PARVG: variants seen among roughly 807,000 people sequenced by gnomAD.
PARVG encodes parvin gamma.
A neutral mutation model predicts 44.4 loss-of-function variants in PARVG; 36 were observed. That is an observed-to-expected ratio of 0.81 (90% CI 0.62 to 1.07). PARVG has a LOEUF of 1.07. Ranked by LOEUF, PARVG falls within the 50% of genes least tolerant of loss-of-function variation. PARVG has a pLI of 0.00. For synonymous variants in PARVG, 170 were observed against 174.1 expected (o/e 0.98, Z 0.19); for missense variants, 407 against 407.4 (o/e 1.00, Z 0.01).
upstream of PARVG, among the ~76,000 whole-genome samples, chr22:44,176,323 T>C (rs2054318557): frequency 6.6e-6 from 1 of 152,238 alleles, no homozygotes; most frequent in South Asian, 2.1e-4. Flanking sequence ...ACAATGTAAA[T>C]GCTATGTAAA....
chr22:44,175,620 C>A (rs904033981), intron 1 of PARVG, among the ~76,000 whole-genome samples: 9 of 152,088 alleles, frequency 5.9e-5, no homozygotes, highest in African/African-American at 2.2e-4. Context: ...CACAGTAGGA[C>A]CTGGAGCATT....
At chr22:44,175,252 T>G (rs2054308280) in intron 1 of PARVG, among the ~76,000 whole-genome samples, 1 of 152,226 alleles carries the variant, frequency 6.6e-6, no homozygotes, top group Non-Finnish European at 1.5e-5. Flanking sequence ...GGGGGCTCTC[T>G]GCTTAGGACA....
chr22:44,204,388 C>G (rs982222447), intron 12 of PARVG, among the ~76,000 whole-genome samples: 3 of 152,222 alleles, frequency 2.0e-5, no homozygotes, highest in African/African-American at 7.2e-5. Context: ...GAGAGGAAGG[C>G]AGACAGGTGT....
chr22:44,204,693 A>T (rs2054755435), intron 12 of PARVG, among the ~76,000 whole-genome samples: 1 of 152,226 alleles, frequency 6.6e-6, no homozygotes, highest in Non-Finnish European at 1.5e-5. Context: ...TGGTGTGGCC[A>T]GGCAGATAGG....
rs576537920 is a variant in PARVG at position 44,182,238 on chromosome 22, G to A, written c.-13+321G>A. On this transcript the variant is annotated intron_variant, in intron 2 of 13. Coordinates refer to ENST00000444313, the MANE Select transcript of PARVG (RefSeq NM_022141.7). The surrounding 1 kb of genome is among the most constrained non-coding windows in gnomAD (Gnocchi z 4.6). ...GCTGCTGATCCCTTTGGGCAGCATC[G>A]AGTCCAGGCCCTCCTTGTAACCATG... 1.7e-4 allele frequency among the ~76,000 whole-genome samples: 26 copies of A among 152,330 alleles called. No individual in the cohort carries two copies. Among genetic ancestry groups the A allele is most frequent in the African/African-American group, 6.0e-4 (25 of 41,574 alleles).
intron 1 of PARVG, among the ~76,000 whole-genome samples, chr22:44,175,027 C>G (rs1209264944): frequency 6.6e-6 from 1 of 152,236 alleles, no homozygotes; most frequent in Non-Finnish European, 1.5e-5. Context: ...GAGGCTGAGG[C>G]AAGAGAATCA....
intron 7 of PARVG, among the ~76,000 whole-genome samples, chr22:44,191,453 AGTG>A (rs1169093085): frequency 1.6e-5 from 2 of 125,334 alleles, no homozygotes; most frequent in Non-Finnish European, 3.1e-5. Context: ...GCTGGAATGC[AGTG>A]GTACAATCTT....
intron 12 of PARVG, among the ~76,000 whole-genome samples, chr22:44,200,523 C>T (rs1185752198): frequency 6.6e-6 from 1 of 152,228 alleles, no homozygotes; most frequent in Non-Finnish European, 1.5e-5. Flanking sequence ...AGGCGTGCAT[C>T]CCAAAGGACA....
intron 5 of PARVG, chr22:44,188,153 G>A (rs1040756950): frequency 4.3e-5 from 21 of 493,450 alleles, no homozygotes; most frequent in African/African-American, 3.1e-4. Context: ...CACTTATTGA[G>A]TGCCTGCTGT....
rs1238953824 is a variant in PARVG at position 44,180,942 on chromosome 22, C to G, written c.-432C>G. ...AAGATTCCAGCTTGAGAGACCAGCT[C>G]GGGTCTGAAGTGTTTCTCTATCTAC... On this transcript the variant is annotated 5_prime_UTR_variant, in exon 1 of 14. Coordinates refer to ENST00000444313, the MANE Select transcript of PARVG (RefSeq NM_022141.7). 2 of 985,280 alleles carry G rather than the reference C, an allele frequency of 2.0e-6. No homozygotes were observed. The highest frequency in any genetic ancestry group is 4.7e-5 in the South Asian group (1 of 21,288). 61.0% of individuals were successfully genotyped at this position (985,280 alleles called of 1,614,324 possible). A position where few individuals can be genotyped will look rare whatever the true frequency, so the allele number is the denominator to read the frequency against.
intron 3 of PARVG, 191 bp from the exon 4 acceptor site, chr22:44,185,617 A>T: frequency 3.9e-6 from 2 of 508,418 alleles, no homozygotes; most frequent in Non-Finnish European, 7.1e-6. Flanking sequence ...TATGTCTCAA[A>T]GTATAAATGC....
At chr22:44,203,226 G>A (rs1209428031) in intron 12 of PARVG, among the ~76,000 whole-genome samples, 2 of 152,216 alleles carry the variant, frequency 1.3e-5, no homozygotes, top group Non-Finnish European at 2.9e-5. Context: ...AGCACTGGTT[G>A]TATGGCTAGC....
rs1409184844 is a variant in PARVG, at chr22:44,192,060, T to C, written c.516T>C (p.Ser172=). 9.9e-6 allele frequency: 16 copies of C among 1,612,908 alleles called. No homozygotes were observed. The highest frequency in any genetic ancestry group is 1.4e-5 in the Non-Finnish European group (16 of 1,179,550). The change falls in exon 8 of 14, where the codon AGT becomes AGC. Residue 172 remains serine, a synonymous_variant. Transcript: ENST00000444313. ...VEVITIESTK[S]GLKSEKLVEQ... Reference sequence around the variant, plus strand: ...TTTATTTTTCTTAGAGCACCAAAAGTGGTCTGAAGTCAGAGAAGTTGGTGG... The same window carrying C: ...TTTATTTTTCTTAGAGCACCAAAAGCGGTCTGAAGTCAGAGAAGTTGGTGG...
chr22:44,188,358 G>A (rs2054503160), intron 5 of PARVG: 1 of 183,086 alleles, frequency 5.5e-6, no homozygotes, highest in Admixed American at 5.4e-5. Context: ...TCCTGGTCCC[G>A]GGCAAGTGTT....
At chr22:44,195,208 C>T (rs2054602500) in intron 9 of PARVG, among the ~76,000 whole-genome samples, 1 of 151,924 alleles carries the variant, frequency 6.6e-6, no homozygotes, top group Non-Finnish European at 1.5e-5. Flanking sequence ...GAGGGGTTGC[C>T]CAGGGAGCAG....
intron 1 of PARVG, among the ~76,000 whole-genome samples, chr22:44,175,821 A>C (rs1001397688): frequency 2.0e-5 from 3 of 152,352 alleles, no homozygotes; most frequent in African/African-American, 7.2e-5. Flanking sequence ...GCATCTGGGC[A>C]TAGAGGCGGG....
chr22:44,184,766 CATCTGGT>C (rs1258289070), intron 3 of PARVG: 1 of 152,162 alleles, frequency 6.6e-6, no homozygotes, highest in East Asian at 1.9e-4. Flanking sequence ...TCTTTGTCAC[CATCTGGT>C]ATTCTGTGTT....
In PARVG at chr22:44,208,074, C is replaced by G. The variant is rs951159739; in HGVS notation, c.*1648C>G. On this transcript the variant is annotated 3_prime_UTR_variant, in exon 14 of 14. Transcript: ENST00000444313. ...TCTCAGCTGGCTTCATCCCAAAAGC[C>G]TGAAATCCAGCCCCACTTCCTGGGG... 4 of 152,218 alleles carry G rather than the reference C, an allele frequency of 2.6e-5. No homozygotes were observed. Among genetic ancestry groups the G allele is most frequent in the Non-Finnish European group, 5.9e-5 (4 of 68,084 alleles). 9.4% of individuals were successfully genotyped at this position (152,218 alleles called of 1,614,324 possible).
In PARVG at chr22:44,190,661, A is replaced by T. The variant is rs776387171; in HGVS notation, c.499A>T (p.Ile167Phe). ...PTNVQVEVIT[I>F]ESTKSGLKSE... Reference sequence around the variant, plus strand: ...CAACGTCCAGGTGGAGGTCATCACTATCGAGGTAGCAGCCTGGGCCCCAGG... The same window carrying T: ...CAACGTCCAGGTGGAGGTCATCACTTTCGAGGTAGCAGCCTGGGCCCCAGG... The change falls in exon 7 of 14, where the codon ATC (isoleucine) becomes TTC (phenylalanine). Residue 167 changes from isoleucine to phenylalanine, a missense_variant. Transcript: ENST00000444313. The T allele has an allele frequency of 1.2e-6, 2 of 1,609,626 alleles. No homozygotes were observed. Among genetic ancestry groups the T allele is most frequent in the Non-Finnish European group, 1.7e-6 (2 of 1,175,870 alleles).
Sources: gnomAD v4.1 joint callset for allele counts (sites outside exome capture counted in the v4.1 genomes callset) on GRCh38, gnomAD v4.1.1 for gene constraint, Gnocchi (gnomAD v3.1) non-coding constraint, MANE v1.5 for transcripts, NCBI Gene and HGNC (gene_info 2026-07-23, HGNC 2026-07-21) for gene names.